Variants in TAF2 observed in about 807,000 individuals in gnomAD.
TAF2 encodes the protein transcription initiation factor TFIID subunit 2.
Under a neutral mutation model 138.5 loss-of-function variants are expected in TAF2, and 61 were observed. That is an observed-to-expected ratio of 0.44 (90% CI 0.36 to 0.54). The LOEUF is 0.54. Among genes scored for constraint, TAF2 ranks in the 20% least tolerant of loss-of-function variants. The pLI is 0.00. For missense variants in TAF2, 1,090 were observed against 1,427.9 expected, an observed-to-expected ratio of 0.76 and a Z score of 3.81; for synonymous variants, 475 against 469.9, an observed-to-expected ratio of 1.01 and a Z score of -0.14.
chr8:119,776,468 G>A (rs1822249730), intron 18 of TAF2, among the ~76,000 whole-genome samples: 1 of 150,370 alleles, frequency 6.7e-6, no homozygotes, highest in Non-Finnish European at 1.5e-5. Context: ...GGATCACAAG[G>A]TCAGGAGATC....
intron 2 of TAF2, among the ~76,000 whole-genome samples, chr8:119,827,545 T>A (rs879558102): frequency 9.2e-5 from 14 of 152,186 alleles, no homozygotes; most frequent in Non-Finnish European, 1.6e-4. Flanking sequence ...TTGTACCCTA[T>A]CTTACAGAAG....
intron 22 of TAF2, among the ~76,000 whole-genome samples, chr8:119,752,901 A>G (rs1423217756): frequency 6.6e-6 from 1 of 152,186 alleles, no homozygotes; most frequent in Non-Finnish European, 1.5e-5. Context: ...TGTTTTCCAG[A>G]TAACGCTTAT....
chr8:119,801,353 G>A (rs1159888653), intron 6 of TAF2, among the ~76,000 whole-genome samples: 1 of 151,236 alleles, frequency 6.6e-6, no homozygotes, highest in African/African-American at 2.4e-5. Flanking sequence ...ATATATATTA[G>A]ATAAGGAAAC....
chr8:119,815,279 C>CTT (rs796422815), intron 3 of TAF2, among the ~76,000 whole-genome samples: 3 of 143,246 alleles, frequency 2.1e-5, no homozygotes, highest in Admixed American at 7.0e-5. Flanking sequence ...GGGACTTGGT[C>CTT]TTTTTTTTTT....
chr8:119,765,209 T>C (rs542404546), intron 18 of TAF2, among the ~76,000 whole-genome samples: 2 of 152,232 alleles, frequency 1.3e-5, no homozygotes, highest in East Asian at 1.9e-4. Flanking sequence ...TATATAAATA[T>C]AGGCATCTAG....
intron 19 of TAF2, 130 bp downstream of exon 19, chr8:119,762,285 G>T: frequency 3.6e-6 from 3 of 833,510 alleles, no homozygotes; most frequent in Non-Finnish European, 3.7e-6. Context: ...TTATCTGTGG[G>T]TGGTAGAATC....
At chr8:119,815,907 T>G (rs186809388) in intron 3 of TAF2, among the ~76,000 whole-genome samples, 1 of 152,338 alleles carries the variant, frequency 6.6e-6, no homozygotes, top group African/African-American at 2.4e-5. Flanking sequence ...TGTTTTTAAA[T>G]TGTTAGTATA....
At chr8:119,756,801 C>T (rs1444797406) in intron 21 of TAF2, among the ~76,000 whole-genome samples, 1 of 151,880 alleles carries the variant, frequency 6.6e-6, no homozygotes, top group Non-Finnish European at 1.5e-5. Flanking sequence ...CAGGGCAACG[C>T]AATGAAAACA....
chr8:119,736,429 C>A (rs1563809246), intron 25 of TAF2, among the ~76,000 whole-genome samples: 1 of 152,276 alleles, frequency 6.6e-6, no homozygotes, highest in East Asian at 1.9e-4. Context: ...AAGTTAAAAT[C>A]TTGTCAAATG....
chr8:119,792,660 T>G (rs557216916), intron 10 of TAF2, among the ~76,000 whole-genome samples: 1 of 152,084 alleles, frequency 6.6e-6, no homozygotes, highest in African/African-American at 2.4e-5. Flanking sequence ...AACGCAACAG[T>G]CTTAAGAGGT....
rs559482636 is a variant in TAF2 at position 119,789,863 on chromosome 8, A to G, written c.1414-117T>C. On this transcript the variant is annotated intron_variant, in intron 11 of 25. Transcript: ENST00000378164. ...AATTATAGAAGACAATAATTTCACT[A>G]TTTATTACACAGATTATTCTAAAGA... 1.7e-3 allele frequency: 1,724 copies of G among 1,026,168 alleles called. 2 individuals are homozygous for G. Among genetic ancestry groups the G allele is most frequent in the Non-Finnish European group, 2.3e-3 (1,582 of 694,744 alleles). 63.6% of individuals were successfully genotyped at this position (1,026,168 alleles called of 1,614,324 possible).
At chr8:119,757,905 A>C (rs1820807565) in intron 21 of TAF2, among the ~76,000 whole-genome samples, 168 bp downstream of exon 21, 1 of 152,246 alleles carries the variant, frequency 6.6e-6, no homozygotes, top group East Asian at 1.9e-4. Flanking sequence ...CAAAAAAAAA[A>C]CAAATAACTT....
intron 3 of TAF2, among the ~76,000 whole-genome samples, chr8:119,813,806 T>C (rs1297556928): frequency 6.6e-6 from 1 of 151,884 alleles, no homozygotes; most frequent in East Asian, 1.9e-4. Flanking sequence ...TTAGAAATAA[T>C]GAAAGGGGTG....
chr8:119,772,502 C>T (rs898146921), intron 18 of TAF2, among the ~76,000 whole-genome samples: 5 of 152,122 alleles, frequency 3.3e-5, no homozygotes, highest in Non-Finnish European at 5.9e-5. Context: ...TTGGGTACAA[C>T]GGTTACTACT....
At chr8:119,770,061 A>AT (rs34500705) in intron 18 of TAF2, among the ~76,000 whole-genome samples, 68,849 of 146,748 alleles carry the variant, frequency 0.47, 16,124 homozygotes, top group Admixed American at 0.58. Flanking sequence ...GCAGCCCCCA[A>AT]TTTTTTTTTT....
At chr8:119,751,069 TG>T (rs1563828069) in intron 22 of TAF2, among the ~76,000 whole-genome samples, 5 of 152,184 alleles carry the variant, frequency 3.3e-5, no homozygotes. Context: ...AAATAAAATA[TG>T]GAGCCCCAAT....
In TAF2 at chr8:119,756,019, T is replaced by C. The variant is rs1393569511; in HGVS notation, c.2865A>G (p.Lys955=). Residue 955 remains lysine (K), a synonymous_variant, in exon 22 of 26, where the codon AAA becomes AAG. Transcript: ENST00000378164. ...CTGCTCTCTCACCAGAATTCATAAG[T>C]TTCCAAAGTTGATCTACCAGGGCTT... is the stretch of plus-strand genomic sequence containing the variant. The part of the protein sequence containing the change: ...CNEALVDQLW[K]LMNSGTSHDW... 1 of 1,612,106 alleles carries C rather than the reference T, an allele frequency of 6.2e-7. No individual in the cohort carries two copies. Among genetic ancestry groups the C allele is most frequent in the Non-Finnish European group, 8.5e-7 (1 of 1,178,546 alleles).
chr8:119,816,615 T>C (rs938954571), intron 3 of TAF2, among the ~76,000 whole-genome samples: 1 of 152,238 alleles, frequency 6.6e-6, no homozygotes, highest in Non-Finnish European at 1.5e-5. Flanking sequence ...CAGAAGCATC[T>C]AGGAGCATGC....
At chr8:119,814,654 G>A (rs773807680) in intron 3 of TAF2, among the ~76,000 whole-genome samples, 3 of 150,720 alleles carry the variant, frequency 2.0e-5, no homozygotes, top group Non-Finnish European at 1.5e-5. Context: ...AGCACTCTGG[G>A]AGGCTGAGAC....
Sources: allele counts gnomAD v4.1 joint callset (sites outside exome capture counted in the v4.1 genomes callset), GRCh38; gene constraint gnomAD v4.1.1; transcripts MANE v1.5; gene names NCBI Gene and HGNC (gene_info 2026-07-23, HGNC 2026-07-21).